TENM2: variants seen among roughly 807,000 people sequenced by gnomAD.
TENM2 encodes teneurin transmembrane protein 2, also known as teneurin-2.
Under a neutral mutation model 245.2 loss-of-function variants are expected in TENM2, and 52 were observed. The ratio of observed to expected loss-of-function variants is 0.21; its 90% CI spans 0.17 to 0.27. TENM2 has a LOEUF of 0.27. Ranked by LOEUF, TENM2 falls within the 10% of genes least tolerant of loss-of-function variation. The pLI is 1.00. For synonymous variants in TENM2, 1,363 were observed against 1,438.9 expected (o/e 0.95, Z 1.19); for missense variants, 3,046 against 3,666.8 (o/e 0.83, Z 4.37).
chr5:167,161,429 C>G, the TENM2 span, among the ~76,000 whole-genome samples: 1 of 151,962 alleles, frequency 6.6e-6, no homozygotes, highest in African/African-American at 2.4e-5. Flanking sequence ...GAATGTGGGC[C>G]AGGGGAGGAA....
chr5:167,292,119 A>G (rs1264161616), intron 1 of TENM2, among the ~76,000 whole-genome samples: 1 of 152,126 alleles, frequency 6.6e-6, no homozygotes, highest in Non-Finnish European at 1.5e-5. Flanking sequence ...ACTTACCCCC[A>G]TGATTCAATT....
At chr5:167,438,902 T>C (rs1213534326) in intron 2 of TENM2, among the ~76,000 whole-genome samples, 1 of 152,138 alleles carries the variant, frequency 6.6e-6, no homozygotes, top group Non-Finnish European at 1.5e-5. Flanking sequence ...CAAGCACTTC[T>C]CCTGCCTCAG....
At chr5:167,842,278 A>C (rs1395126022) in intron 2 of TENM2, among the ~76,000 whole-genome samples, 1 of 152,128 alleles carries the variant, frequency 6.6e-6, no homozygotes, top group Non-Finnish European at 1.5e-5. Flanking sequence ...ACAAAAACAA[A>C]AAAACAAAAC....
chr5:167,410,604 C>G (rs1289889838), intron 2 of TENM2, among the ~76,000 whole-genome samples: 2 of 151,932 alleles, frequency 1.3e-5, no homozygotes, highest in African/African-American at 4.8e-5. Flanking sequence ...AGATATTCTC[C>G]CCATAAAGTT....
the TENM2 span, among the ~76,000 whole-genome samples, chr5:167,211,897 ATCT>A: frequency 6.6e-6 from 1 of 152,158 alleles, no homozygotes; most frequent in Non-Finnish European, 1.5e-5. Flanking sequence ...TACATCTTTT[ATCT>A]TAATTTCCCC....
At chr5:167,718,607 G>C (rs904167683) in intron 2 of TENM2, among the ~76,000 whole-genome samples, 1 of 152,180 alleles carries the variant, frequency 6.6e-6, no homozygotes, top group Non-Finnish European at 1.5e-5. Context: ...GGTTAAGTGA[G>C]TCTTGATATC....
intron 3 of TENM2, among the ~76,000 whole-genome samples, chr5:167,894,162 G>T (rs1774986888): frequency 6.6e-6 from 1 of 152,054 alleles, no homozygotes; most frequent in South Asian, 2.1e-4. Context: ...ACCATTCCTG[G>T]CACATCAAAA....
At chr5:167,034,289 C>CCAATG in the TENM2 span, among the ~76,000 whole-genome samples, 6 of 152,112 alleles carry the variant, frequency 3.9e-5, no homozygotes, top group Admixed American at 3.3e-4. Flanking sequence ...TGTACTCCTT[C>CCAATG]CAATGGTCAG....
At chr5:167,286,849 C>A (rs570179869) in intron 1 of TENM2, among the ~76,000 whole-genome samples, 9 of 152,236 alleles carry the variant, frequency 5.9e-5, no homozygotes, top group African/African-American at 1.7e-4. Context: ...AAACCAAGGA[C>A]TGGGATTTTA....
the TENM2 span, among the ~76,000 whole-genome samples, chr5:167,118,047 ATT>A: frequency 6.6e-6 from 1 of 152,200 alleles, no homozygotes; most frequent in African/African-American, 2.4e-5. Context: ...TACTTCTCTG[ATT>A]TTAAAAATGT....
the TENM2 span, among the ~76,000 whole-genome samples, chr5:167,001,474 G>T: frequency 6.6e-6 from 1 of 151,806 alleles, no homozygotes; most frequent in African/African-American, 2.4e-5. Context: ...TTGATGACAT[G>T]CGGGAACATC....
At chr5:168,047,442 G>A in exon 6 of TENM2, 2 of 1,551,672 alleles carry the variant, frequency 1.3e-6, no homozygotes, top group Non-Finnish European at 1.7e-6. Context: ...CATCTGCTCG[G>A]ACTCAATTGG....
intron 1 of TENM2, among the ~76,000 whole-genome samples, chr5:167,369,007 A>C (rs1271629984): frequency 6.6e-6 from 1 of 151,804 alleles, no homozygotes; most frequent in African/African-American, 2.4e-5. Flanking sequence ...TGGTCTTTTA[A>C]AATTTTACTC....
chr5:167,984,395 T>C (rs12523097), intron 4 of TENM2, among the ~76,000 whole-genome samples: 51,303 of 152,134 alleles, frequency 0.34, 9,018 homozygotes, highest in African/African-American at 0.42. Context: ...CAGTGGCTCA[T>C]GCCCGTAATT....
At position 167,509,536 on chromosome 5, in the gene TENM2, A is replaced by G. The variant is rs79912040; in HGVS notation, c.502+134063A>G. Among the ~76,000 whole-genome samples the G allele has an allele frequency of 3.3e-3, 495 of 152,296 alleles. 24 individuals carry two copies. The South Asian group carries it at 0.082, about 25-fold the overall frequency. On this transcript the variant is annotated intron_variant, in intron 2 of 28. Coordinates refer to ENST00000518659, the Ensembl canonical transcript of TENM2. ...TTTTGTTCGATTATTTCTTGGAATT[A>G]TATTTCTTACCTCAGTTGTGATATT...
At chr5:167,930,431 A>G (rs1778187353) in intron 3 of TENM2, among the ~76,000 whole-genome samples, 1 of 151,648 alleles carries the variant, frequency 6.6e-6, no homozygotes, top group African/African-American at 2.4e-5. Flanking sequence ...TTTAATTTAA[A>G]TTAGCTGAGC....
intron 6 of TENM2, among the ~76,000 whole-genome samples, chr5:168,052,249 G>A (rs1251245111): frequency 1.3e-5 from 2 of 151,982 alleles, no homozygotes; most frequent in Non-Finnish European, 2.9e-5. Flanking sequence ...AAGTTAGCCA[G>A]GCGGGGTGGT....
intron 4 of TENM2, among the ~76,000 whole-genome samples, chr5:167,985,465 G>T (rs947724656): frequency 6.6e-6 from 1 of 152,190 alleles, no homozygotes; most frequent in African/African-American, 2.4e-5. Context: ...GACTTTTGCT[G>T]TATTTCAAAA....
intron 2 of TENM2, among the ~76,000 whole-genome samples, chr5:167,679,993 T>G (rs866805786): frequency 4.6e-5 from 7 of 152,154 alleles, no homozygotes; most frequent in Admixed American, 4.6e-4. Context: ...GTGTCATCAG[T>G]CTGTCTCTGC....
Sources: gnomAD v4.1 joint callset for allele counts (sites outside exome capture counted in the v4.1 genomes callset) on GRCh38, gnomAD v4.1.1 for gene constraint, MANE v1.5 for transcripts, NCBI Gene and HGNC (gene_info 2026-07-23, HGNC 2026-07-21) for gene names.